Variants in HTR7 observed in about 807,000 individuals in gnomAD.
The protein encoded by HTR7 is 5-hydroxytryptamine receptor 7, also known as 5-HT-7.
HTR7 carries 16 observed loss-of-function variants against 34.0 expected under a neutral mutation model. The ratio of observed to expected loss-of-function variants is 0.47; its 90% CI spans 0.32 to 0.71. HTR7 has a LOEUF of 0.71. Ranked by LOEUF, HTR7 falls within the 30% of genes least tolerant of loss-of-function variation. The pLI, the probability that HTR7 is intolerant of heterozygous loss-of-function variation, is 0.04. For synonymous variants in HTR7, 265 were observed against 260.2 expected (o/e 1.02, Z -0.18); for missense variants, 504 against 625.5 (o/e 0.81, Z 2.07).
intron 1 of HTR7, among the ~76,000 whole-genome samples, chr10:90,850,673 C>CA (rs1290940433): frequency 1.3e-5 from 2 of 151,782 alleles, no homozygotes; most frequent in Admixed American, 1.3e-4. Flanking sequence ...AGAATTTCAC[C>CA]AAAAAAATCA....
Position 90,749,239 on chromosome 10 carries a change from C to T in HTR7, c.895G>A (p.Val299Met), listed in dbSNP as rs770562747. 1.9e-6 allele frequency: 3 copies of T among 1,614,088 alleles called. No individual in the cohort carries two copies. The highest frequency in any genetic ancestry group is 1.3e-5 in the African/African-American group (1 of 75,060). Residue 299 changes from valine (V) to methionine (M), a missense_variant, in exon 2 of 4, where the codon GTG becomes ATG. Val to Met is a conservative substitution (Grantham distance 21, BLOSUM62 1). This residue lies in a region of HTR7 where 57 missense variants were observed against 47.5 expected (regional missense o/e 1.20). Transcript: ENST00000336152. The surrounding 1 kb of genome is among the most constrained non-coding windows in gnomAD (Gnocchi z 4.2). Reference sequence around the variant, plus strand: ...CTCGAAAGGTTTGCACACTCTTCCACCTCCTTCTGGAGCTTCACTATGCCA... The same window carrying T: ...CTCGAAAGGTTTGCACACTCTTCCATCTCCTTCTGGAGCTTCACTATGCCA... ...LNGIVKLQKE[V>M]EECANLSRLL...
chr10:90,815,478 C>A (rs1174815917), intron 1 of HTR7, among the ~76,000 whole-genome samples: 1 of 152,134 alleles, frequency 6.6e-6, no homozygotes, highest in African/African-American at 2.4e-5. Flanking sequence ...TTTCCCCTAC[C>A]TAGTACTATA....
chr10:90,755,741 T>C (rs75578101), intron 1 of HTR7, among the ~76,000 whole-genome samples: 1,871 of 152,324 alleles, frequency 0.012, 45 homozygotes, highest in African/African-American at 0.043. Context: ...TCTGTGAAGA[T>C]ATGAAACAAT....
At chr10:90,755,247 A>G (rs1347709277) in intron 1 of HTR7, among the ~76,000 whole-genome samples, 1 of 152,168 alleles carries the variant, frequency 6.6e-6, no homozygotes, top group Non-Finnish European at 1.5e-5. Flanking sequence ...CCATTATCTC[A>G]GCTATTAGAT....
At chr10:90,802,839 T>TC (rs1845649801) in intron 1 of HTR7, among the ~76,000 whole-genome samples, 1 of 152,162 alleles carries the variant, frequency 6.6e-6, no homozygotes, top group Non-Finnish European at 1.5e-5. Context: ...CACTTATTGA[T>TC]CCTTTTCCCT....
intron 1 of HTR7, among the ~76,000 whole-genome samples, chr10:90,805,674 G>A (rs1253418682): frequency 6.6e-6 from 1 of 152,182 alleles, no homozygotes; most frequent in East Asian, 1.9e-4. Context: ...AATTAGGGGA[G>A]AGAAATTTTT....
intron 1 of HTR7, among the ~76,000 whole-genome samples, chr10:90,846,967 C>T (rs969805215): frequency 3.0e-4 from 46 of 152,334 alleles, no homozygotes; most frequent in African/African-American, 7.9e-4. Flanking sequence ...TCTGTGAGTT[C>T]ATTCAAACAC....
At chr10:90,800,242 C>A (rs572420701) in intron 1 of HTR7, among the ~76,000 whole-genome samples, 1 of 152,268 alleles carries the variant, frequency 6.6e-6, no homozygotes, top group African/African-American at 2.4e-5. Flanking sequence ...TGGCCGTTTT[C>A]TTAGAAAGTC....
chr10:90,841,479 A>G (rs1004140921), intron 1 of HTR7, among the ~76,000 whole-genome samples: 1 of 152,150 alleles, frequency 6.6e-6, no homozygotes, highest in Admixed American at 6.5e-5. Flanking sequence ...GAGAGGATTC[A>G]TTTCATCACC....
At chr10:90,841,045 A>T (rs1259502044) in intron 1 of HTR7, among the ~76,000 whole-genome samples, 1 of 152,206 alleles carries the variant, frequency 6.6e-6, no homozygotes, top group Non-Finnish European at 1.5e-5. Flanking sequence ...GCAGTCTAAG[A>T]GCACAGACCA....
intron 1 of HTR7, among the ~76,000 whole-genome samples, chr10:90,831,330 G>T (rs368837056): frequency 1.3e-5 from 2 of 152,106 alleles, no homozygotes; most frequent in East Asian, 3.9e-4. Flanking sequence ...TCATGGTCTC[G>T]CTGACTCAGG....
At chr10:90,748,583 T>A (rs1044670679) in intron 2 of HTR7, among the ~76,000 whole-genome samples, 6 of 152,258 alleles carry the variant, frequency 3.9e-5, no homozygotes, top group African/African-American at 1.4e-4. Flanking sequence ...AAATATCACC[T>A]GCCTTGTTGT....
intron 1 of HTR7, among the ~76,000 whole-genome samples, chr10:90,815,306 G>A (rs1391621766): frequency 6.6e-6 from 1 of 151,984 alleles, no homozygotes; most frequent in Non-Finnish European, 1.5e-5. Context: ...TGGCCAGGCT[G>A]GTCTTGAACT....
At chr10:90,767,000 G>A (rs192608850) in intron 1 of HTR7, among the ~76,000 whole-genome samples, 10 of 152,294 alleles carry the variant, frequency 6.6e-5, no homozygotes, top group Admixed American at 2.0e-4. Context: ...CCTGGGATCC[G>A]AAGTCAAGCA....
intron 1 of HTR7, among the ~76,000 whole-genome samples, chr10:90,759,811 CT>C (rs1296293215): frequency 1.3e-5 from 2 of 151,878 alleles, no homozygotes; most frequent in African/African-American, 4.8e-5. Flanking sequence ...GAATCAGGAG[CT>C]GGGGGGAAGC....
intron 1 of HTR7, among the ~76,000 whole-genome samples, chr10:90,824,061 G>A (rs1443360181): frequency 6.6e-6 from 1 of 152,220 alleles, no homozygotes; most frequent in African/African-American, 2.4e-5. Context: ...AGGAGGGCTT[G>A]TACTAACCAT....
At chr10:90,758,385 A>T in intron 1 of HTR7, among the ~76,000 whole-genome samples, 1 of 150,844 alleles carries the variant, frequency 6.6e-6, no homozygotes, top group Admixed American at 6.6e-5. Flanking sequence ...AAACAGACAC[A>T]CCTGAAAAGC....
intron 1 of HTR7, among the ~76,000 whole-genome samples, chr10:90,816,176 C>T (rs1845897009): frequency 1.3e-5 from 2 of 152,222 alleles, no homozygotes; most frequent in South Asian, 4.1e-4. Flanking sequence ...AAATAGCTCT[C>T]ACCTGACTGA....
intron 1 of HTR7, among the ~76,000 whole-genome samples, chr10:90,855,059 T>C (rs957704501): frequency 1.3e-5 from 2 of 152,234 alleles, no homozygotes; most frequent in African/African-American, 4.8e-5. Context: ...AGTCTGTGTC[T>C]TCCAATTTTA....
Sources: gnomAD v4.1 joint callset for allele counts (sites outside exome capture counted in the v4.1 genomes callset) on GRCh38, gnomAD v4.1.1 for gene constraint, gnomAD v4.1.1 regional missense constraint, Gnocchi (gnomAD v3.1) non-coding constraint, MANE v1.5 for transcripts, NCBI Gene and HGNC (gene_info 2026-07-23, HGNC 2026-07-21) for gene names.